The following VAV3 variants were observed in gnomAD, a reference collection of about 807,000 sequenced individuals.
VAV3 encodes vav guanine nucleotide exchange factor 3.
In VAV3, 94 loss-of-function variants were observed where a neutral mutation model predicts 131.2. That is an observed-to-expected ratio of 0.72 (90% CI 0.61 to 0.85). VAV3 has a LOEUF of 0.85. Ranked by LOEUF, VAV3 falls within the 40% of genes least tolerant of loss-of-function variation. The pLI is 0.00. For missense variants in VAV3, 939 were observed against 1,002.7 expected (o/e 0.94, Z 0.86); for synonymous variants, 349 against 342.0 (o/e 1.02, Z -0.22).
chr1:107,603,162 A>G lies in VAV3; in HGVS notation c.2017T>C (p.Tyr673His). The change falls in exon 23 of 27, where the codon TAT becomes CAT. Residue 673 changes from tyrosine (Y) to histidine (H), a missense_variant and splice_region_variant. By Grantham distance (83) the Tyr-to-His change is moderately conservative. Coordinates refer to ENST00000370056, the MANE Select transcript of VAV3 (RefSeq NM_006113.5). Reference protein sequence around the residue: ...KPVDYSCQPWYAGAMERLQAE... With the variant: ...KPVDYSCQPWHAGAMERLQAE... ...TGCAATCTTTCCATTGCTCCAGCATACCTGTAAAAAACAATGACACAGAAA... is the reference window on the plus strand; with the variant it reads ...TGCAATCTTTCCATTGCTCCAGCATGCCTGTAAAAAACAATGACACAGAAA... 1 of 1,611,910 alleles carries G rather than the reference A, an allele frequency of 6.2e-7. No homozygotes were observed. Among genetic ancestry groups the G allele is most frequent in the Non-Finnish European group, 8.5e-7 (1 of 1,178,728 alleles).
At chr1:107,649,012 A>G (rs189798651) in intron 19 of VAV3, among the ~76,000 whole-genome samples, 1 of 152,090 alleles carries the variant, frequency 6.6e-6, no homozygotes, top group East Asian at 1.9e-4. Context: ...GAGGAAGGTA[A>G]TAACTCCCAG....
At chr1:107,733,138 T>C (rs979698659) in intron 15 of VAV3, among the ~76,000 whole-genome samples, 1 of 152,084 alleles carries the variant, frequency 6.6e-6, no homozygotes, top group African/African-American at 2.4e-5. Flanking sequence ...GACCTGCAAC[T>C]GAGAGACCTG....
rs546353736 is a variant in VAV3, at chr1:107,714,798, C to G, written c.1503-9737G>C. Among the ~76,000 whole-genome samples the G allele has an allele frequency of 7.2e-4, 110 of 152,112 alleles. 1 individual carries two copies. Among genetic ancestry groups the G allele is most frequent in the African/African-American group, 2.6e-3 (108 of 41,526 alleles). On this transcript the variant is annotated intron_variant, in intron 15 of 26. Coordinates refer to ENST00000370056, the MANE Select transcript of VAV3 (RefSeq NM_006113.5). ...TTCCAAATCACGTACAGTCTTTTAT[C>G]CAGGGAAATGAATAAATACTTTCAA...
Position 107,705,042 on chromosome 1 carries a change from A to C in VAV3, c.1522T>G (p.Tyr508Asp), listed in dbSNP as rs1294382526. The C allele has an allele frequency of 1.2e-6, 2 of 1,613,442 alleles. No individual in the cohort carries two copies. Among genetic ancestry groups the C allele is most frequent in the Non-Finnish European group, 8.5e-7 (1 of 1,179,574 alleles). Residue 508 changes from tyrosine (Y) to aspartate (D), a missense_variant, in exon 16 of 27, where the codon TAT becomes GAT. By Grantham distance (160) the Tyr-to-Asp change is radical. Transcript: ENST00000370056. ...AAGTCGTGGAAATTGGAGTCTGCATAGTCTGGTCTTATGTTAGACCTAAAA... is the reference window on the plus strand; with the variant it reads ...AAGTCGTGGAAATTGGAGTCTGCATCGTCTGGTCTTATGTTAGACCTAAAA... ...EMALSNIRPD[Y>D]ADSNFHDFKM...
chr1:107,596,306 C>G lies in VAV3; in HGVS notation c.2256G>C (p.Lys752Asn). The change falls in exon 25 of 27, where the codon AAG becomes AAC. Residue 752 changes from lysine to asparagine, a missense_variant. Coordinates refer to ENST00000370056, the MANE Select transcript of VAV3 (RefSeq NM_006113.5). ...LVEYYKHHSL[K>N]EGFRTLDTTL... ...TTGTATCTAAGGTTCTGAACCCTTC[C>G]TTGAGAGAATGATGCTTGTAGTACT... 6.2e-7 allele frequency: 1 copy of G among 1,613,444 alleles called. No individual in the cohort carries two copies.
At chr1:107,811,935 C>T (rs1667334826) in intron 2 of VAV3, among the ~76,000 whole-genome samples, 1 of 152,088 alleles carries the variant, frequency 6.6e-6, no homozygotes, top group Non-Finnish European at 1.5e-5. Context: ...TTTCAAGTTG[C>T]AACAGGCAGC....
chr1:107,573,264 G>T lies in VAV3; in HGVS notation c.*67C>A. On this transcript the variant is annotated 3_prime_UTR_variant, in exon 27 of 27. Coordinates refer to ENST00000370056, the MANE Select transcript of VAV3 (RefSeq NM_006113.5). ...TTAAACACTTCAGTTAATTCACGAT[G>T]CTGTGCAGGCTTCTATTTATCCCTT... is the stretch of plus-strand genomic sequence containing the variant. 1 of 1,560,194 alleles carries T rather than the reference G, an allele frequency of 6.4e-7. No homozygotes were observed.
chr1:107,644,002 A>G (rs760029350), intron 19 of VAV3, among the ~76,000 whole-genome samples: 16 of 152,046 alleles, frequency 1.1e-4, no homozygotes, highest in Non-Finnish European at 2.1e-4. Context: ...TGTGCCGCAG[A>G]ACCCCCAGAG....
chr1:107,811,813 T>C lies in VAV3; in HGVS notation c.322-32321A>G, dbSNP rs142614854. Among the ~76,000 whole-genome samples, 302 of 152,318 alleles carry C rather than the reference T, an allele frequency of 2.0e-3. 2 individuals carry two copies. The highest frequency in any genetic ancestry group is 6.9e-3 in the African/African-American group (285 of 41,574). The stretch of plus-strand genomic sequence containing the variant: ...GAACACTAAGAGGTGATAAACATCC[T>C]GCAACTCAGGGCTCCTCCGAAAACT... On this transcript the variant is annotated intron_variant, in intron 2 of 26. Coordinates refer to ENST00000370056, the MANE Select transcript of VAV3 (RefSeq NM_006113.5).
intron 1 of VAV3, among the ~76,000 whole-genome samples, chr1:107,919,828 AAATT>A (rs1672804314): frequency 6.6e-6 from 1 of 152,186 alleles, no homozygotes; most frequent in African/African-American, 2.4e-5. Flanking sequence ...AACAGAAAGA[AAATT>A]AATTAAAGAA....
intron 9 of VAV3, among the ~76,000 whole-genome samples, chr1:107,763,696 T>G (rs1351195285): frequency 6.6e-6 from 1 of 152,148 alleles, no homozygotes; most frequent in Non-Finnish European, 1.5e-5. Context: ...TGAAGGAATA[T>G]TAAGATATAA....
intron 19 of VAV3, among the ~76,000 whole-genome samples, chr1:107,643,771 C>T (rs889953624): frequency 1.3e-5 from 2 of 152,106 alleles, no homozygotes; most frequent in African/African-American, 4.8e-5. Flanking sequence ...CTTCAGCAAA[C>T]AGTTTATTAA....
At chr1:107,867,252 A>G (rs1426084759) in intron 2 of VAV3, among the ~76,000 whole-genome samples, 1 of 152,188 alleles carries the variant, frequency 6.6e-6, no homozygotes, top group Non-Finnish European at 1.5e-5. Context: ...TTTAGTTTAC[A>G]GAAGAGTAAA....
At chr1:107,671,351 T>C (rs1438357574) in intron 19 of VAV3, among the ~76,000 whole-genome samples, 1 of 152,234 alleles carries the variant, frequency 6.6e-6, no homozygotes, top group Non-Finnish European at 1.5e-5. Flanking sequence ...TCCAAAGTCA[T>C]TATTCTACCT....
intron 2 of VAV3, among the ~76,000 whole-genome samples, chr1:107,862,940 T>C (rs1669807900): frequency 6.6e-6 from 1 of 151,376 alleles, no homozygotes; most frequent in African/African-American, 2.4e-5. Flanking sequence ...AATCAGTAAA[T>C]ACCAAAAAAA....
intron 9 of VAV3, among the ~76,000 whole-genome samples, chr1:107,762,532 A>G (rs4611050): frequency 0.63 from 96,088 of 151,962 alleles, 31,089 homozygotes; most frequent in Non-Finnish European, 0.7. Flanking sequence ...TCTCAAACAG[A>G]AAGTTACATT....
At chr1:107,575,232 A>T (rs1649561429) in intron 25 of VAV3, among the ~76,000 whole-genome samples, 1 of 152,182 alleles carries the variant, frequency 6.6e-6, no homozygotes, top group African/African-American at 2.4e-5. Flanking sequence ...AGAATCACTC[A>T]TCGGAGGTTG....
At chr1:107,828,199 C>T (rs1668094946) in intron 2 of VAV3, among the ~76,000 whole-genome samples, 1 of 152,166 alleles carries the variant, frequency 6.6e-6, no homozygotes, top group Admixed American at 6.5e-5. Context: ...CTCTGGGTGG[C>T]TCTCTTTACC....
intron 2 of VAV3, among the ~76,000 whole-genome samples, chr1:107,847,133 C>T (rs145509261): frequency 0.011 from 1,636 of 152,252 alleles, 31 homozygotes; most frequent in African/African-American, 0.038. Flanking sequence ...CAAAACCACA[C>T]GACTACAAGG....
Sources: allele counts gnomAD v4.1 joint callset (sites outside exome capture counted in the v4.1 genomes callset), GRCh38; gene constraint gnomAD v4.1.1; transcripts MANE v1.5; gene names NCBI Gene and HGNC (gene_info 2026-07-23, HGNC 2026-07-21).